The following RORA variants were observed in gnomAD, a reference collection of about 807,000 sequenced individuals.
RORA encodes RAR related orphan receptor A.
A neutral mutation model predicts 69.5 loss-of-function variants in RORA; 7 were observed. The observed-to-expected ratio is 0.10, with a 90% CI of 0.06 to 0.19. RORA has a LOEUF of 0.19. Ranked by LOEUF, RORA falls within the 10% of genes least tolerant of loss-of-function variation. The pLI is 1.00. For missense variants in RORA, 457 were observed against 663.0 expected (o/e 0.69, Z 3.41); for synonymous variants, 261 against 240.8 (o/e 1.08, Z -0.78).
chr15:60,539,260 T>C (rs2066782085), intron 2 of RORA, among the ~76,000 whole-genome samples: 1 of 152,218 alleles, frequency 6.6e-6, no homozygotes, highest in South Asian at 2.1e-4. Flanking sequence ...TTTCTGTGAA[T>C]ATGCAGGTGG....
At chr15:60,611,173 A>G (rs1365598426) in intron 2 of RORA, among the ~76,000 whole-genome samples, 1 of 152,182 alleles carries the variant, frequency 6.6e-6, no homozygotes, top group Non-Finnish European at 1.5e-5. Context: ...GCTGGGTATT[A>G]TTACATAGAC....
At chr15:60,559,916 T>A (rs1303904631) in intron 2 of RORA, among the ~76,000 whole-genome samples, 1 of 152,228 alleles carries the variant, frequency 6.6e-6, no homozygotes, top group Non-Finnish European at 1.5e-5. Context: ...CTGTTTTTTT[T>A]CCCCTTGACT....
chr15:60,567,288 G>A (rs1385906098), intron 2 of RORA, among the ~76,000 whole-genome samples: 1 of 151,702 alleles, frequency 6.6e-6, no homozygotes, highest in Admixed American at 6.6e-5. Flanking sequence ...GTGCCGTCCA[G>A]CGGTCCAAGT....
intron 1 of RORA, among the ~76,000 whole-genome samples, chr15:60,802,608 T>C (rs946276554): frequency 6.6e-6 from 1 of 152,198 alleles, no homozygotes; most frequent in Non-Finnish European, 1.5e-5. Flanking sequence ...GGCATGTGTG[T>C]GTATGTGTAT....
At chr15:60,727,936 G>A (rs2071382167) in intron 1 of RORA, among the ~76,000 whole-genome samples, 1 of 152,106 alleles carries the variant, frequency 6.6e-6, no homozygotes, top group African/African-American at 2.4e-5. Context: ...ACCTCCTCCT[G>A]GCAAATACAC....
At chr15:61,194,873 C>T (rs1186695854) in intron 1 of RORA, among the ~76,000 whole-genome samples, 1 of 151,832 alleles carries the variant, frequency 6.6e-6, no homozygotes. Context: ...CTGGCGTTTT[C>T]ACCTTGTAAT....
intron 2 of RORA, among the ~76,000 whole-genome samples, chr15:60,615,386 C>A (rs543506860): frequency 7.2e-5 from 11 of 152,316 alleles, no homozygotes; most frequent in Middle Eastern, 3.4e-3. Flanking sequence ...GTATCTCTAA[C>A]CCTCACCTTG....
intron 1 of RORA, among the ~76,000 whole-genome samples, chr15:60,942,796 G>A (rs542718816): frequency 1.4e-4 from 22 of 152,316 alleles, no homozygotes; most frequent in South Asian, 8.3e-4. Flanking sequence ...TGGGATGGAG[G>A]TGGGGAGGAC....
At chr15:60,656,902 G>A (rs776623202) in intron 2 of RORA, among the ~76,000 whole-genome samples, 2 of 152,188 alleles carry the variant, frequency 1.3e-5, no homozygotes, top group Admixed American at 1.3e-4. Context: ...AGGAAAGCCC[G>A]TGGTTTGGGA....
chr15:61,009,095 T>A (rs1293760906), intron 1 of RORA, among the ~76,000 whole-genome samples: 1 of 152,170 alleles, frequency 6.6e-6, no homozygotes, highest in Non-Finnish European at 1.5e-5. Flanking sequence ...AATGCGAATC[T>A]GAAAGAATGT....
chr15:60,591,128 G>A (rs1480243603), intron 2 of RORA, among the ~76,000 whole-genome samples: 2 of 152,174 alleles, frequency 1.3e-5, no homozygotes, highest in Non-Finnish European at 2.9e-5. Context: ...CACCCGCACC[G>A]GTGGCTAGGA....
intron 1 of RORA, among the ~76,000 whole-genome samples, chr15:60,806,973 T>C (rs1022409050): frequency 2.6e-5 from 4 of 151,998 alleles, no homozygotes; most frequent in African/African-American, 9.7e-5. Flanking sequence ...TGGGGAAAAG[T>C]TTAAAGCATT....
chr15:60,897,095 C>T (rs1053847974), intron 1 of RORA, among the ~76,000 whole-genome samples: 5 of 151,848 alleles, frequency 3.3e-5, no homozygotes, highest in Admixed American at 6.6e-5. Context: ...GTTTAATGGG[C>T]GGTAGTGGGA....
At chr15:60,615,449 G>C (rs2069212879) in intron 2 of RORA, among the ~76,000 whole-genome samples, 1 of 152,196 alleles carries the variant, frequency 6.6e-6, no homozygotes, top group Non-Finnish European at 1.5e-5. Context: ...AGTCTCACGA[G>C]ATGGGGCCTC....
intron 1 of RORA, among the ~76,000 whole-genome samples, chr15:60,903,998 T>C (rs1891463092): frequency 6.6e-6 from 1 of 152,212 alleles, no homozygotes; most frequent in Non-Finnish European, 1.5e-5. Flanking sequence ...CAGGTTGCTA[T>C]GATTTCTCTG....
At chr15:60,737,858 C>A (rs2071523130) in intron 1 of RORA, among the ~76,000 whole-genome samples, 1 of 152,204 alleles carries the variant, frequency 6.6e-6, no homozygotes, top group African/African-American at 2.4e-5. Flanking sequence ...ATAAATTTGT[C>A]AAGAGCTGCT....
At chr15:60,590,038 C>T (rs1326683239) in intron 2 of RORA, among the ~76,000 whole-genome samples, 4 of 152,186 alleles carry the variant, frequency 2.6e-5, no homozygotes, top group African/African-American at 9.6e-5. Flanking sequence ...CAGCATTCCT[C>T]ACTTCCCCAC....
At chr15:60,979,759 TTTC>T (rs1373117873) in intron 1 of RORA, among the ~76,000 whole-genome samples, 3 of 152,110 alleles carry the variant, frequency 2.0e-5, no homozygotes, top group Non-Finnish European at 2.9e-5. Context: ...CACGTGTGTG[TTTC>T]TTTAGGATTT....
At chr15:60,940,884 A>G (rs12439176) in intron 1 of RORA, among the ~76,000 whole-genome samples, 148,239 of 152,298 alleles carry the variant, frequency 0.97, 72,283 homozygotes, top group South Asian at 1. Flanking sequence ...CCAAGATCGC[A>G]CCACCGCACT....
Sources: allele counts gnomAD v4.1 joint callset (sites outside exome capture counted in the v4.1 genomes callset), GRCh38; gene constraint gnomAD v4.1.1; transcripts MANE v1.5; gene names NCBI Gene and HGNC (gene_info 2026-07-23, HGNC 2026-07-21).